The following EGF variants were observed in gnomAD, a reference collection of about 807,000 sequenced individuals.
EGF encodes the protein pro-epidermal growth factor.
In EGF, 95 loss-of-function variants were observed where a neutral mutation model predicts 143.8. That is an observed-to-expected ratio of 0.66 (90% CI 0.56 to 0.78). EGF has a LOEUF of 0.78. Ranked by LOEUF, EGF falls within the 30% of genes least tolerant of loss-of-function variation. The pLI, the probability that EGF is intolerant of heterozygous loss-of-function variation, is 0.00. For synonymous variants in EGF, 510 were observed against 510.5 expected (o/e 1.00, Z 0.01); for missense variants, 1,320 against 1,470.9 (o/e 0.90, Z 1.68).
chr4:109,931,590 C>T (rs1191668856), intron 1 of EGF, among the ~76,000 whole-genome samples: 2 of 152,150 alleles, frequency 1.3e-5, no homozygotes, highest in Non-Finnish European at 2.9e-5. Context: ...TGAATTTCCT[C>T]TTAATTAGAT....
intron 1 of EGF, among the ~76,000 whole-genome samples, chr4:109,920,152 C>T (rs1737515767): frequency 1.3e-5 from 2 of 151,576 alleles, no homozygotes; most frequent in Non-Finnish European, 2.9e-5. Flanking sequence ...AGATTTCTTA[C>T]CTGGAAAATA....
intron 19 of EGF, among the ~76,000 whole-genome samples, chr4:109,993,705 G>A (rs1751368705): frequency 6.6e-6 from 1 of 152,170 alleles, no homozygotes; most frequent in South Asian, 2.1e-4. Flanking sequence ...GCAGGTCGGT[G>A]AGAATGTCTG....
chr4:109,966,802 G>A (rs187851515), intron 10 of EGF, among the ~76,000 whole-genome samples: 1 of 152,188 alleles, frequency 6.6e-6, no homozygotes. Context: ...GTGATGTTAA[G>A]CATTTTTTCA....
At chr4:109,957,334 G>A (rs758089870) in intron 5 of EGF, among the ~76,000 whole-genome samples, 1 of 152,102 alleles carries the variant, frequency 6.6e-6, no homozygotes, top group Non-Finnish European at 1.5e-5. Context: ...AGCTTTAACT[G>A]GTATCATAAG....
At chr4:109,976,338 G>T in intron 13 of EGF, 103 bp downstream of exon 13, 1 of 1,020,820 alleles carries the variant, frequency 9.8e-7, no homozygotes, top group Middle Eastern at 3.0e-4. Flanking sequence ...AGCCGTATGG[G>T]TGAATATGGA....
intron 5 of EGF, among the ~76,000 whole-genome samples, chr4:109,950,172 G>C (rs992342203): frequency 1.3e-5 from 2 of 152,052 alleles, no homozygotes; most frequent in African/African-American, 2.4e-5. Flanking sequence ...ATGTCTACTT[G>C]GATTTCTTGC....
intron 13 of EGF, among the ~76,000 whole-genome samples, chr4:109,978,431 G>A (rs187863743): frequency 3.2e-4 from 49 of 152,278 alleles, no homozygotes; most frequent in African/African-American, 1.2e-3. Flanking sequence ...TCTAACATGT[G>A]CTTTAACATG....
At chr4:109,999,256 A>G (rs1425246672) in intron 20 of EGF, among the ~76,000 whole-genome samples, 1 of 151,740 alleles carries the variant, frequency 6.6e-6, no homozygotes, top group Non-Finnish European at 1.5e-5. Context: ...CAAGTGAGGA[A>G]CTCTGCCTTC....
At chr4:109,940,487 G>A (rs3822287) in intron 1 of EGF, among the ~76,000 whole-genome samples, 8,170 of 152,072 alleles carry the variant, frequency 0.054, 529 homozygotes, top group East Asian at 0.18. Flanking sequence ...TTTCACCGTC[G>A]TCTTCTAGGT....
At chr4:109,934,334 A>C (rs184454117) in intron 1 of EGF, among the ~76,000 whole-genome samples, 95 of 152,320 alleles carry the variant, frequency 6.2e-4, no homozygotes, top group African/African-American at 1.9e-3. Flanking sequence ...AAACAGAGAC[A>C]ATTTGACACA....
At chr4:109,941,177 G>A (rs1213557380) in intron 2 of EGF, 32 bp downstream of exon 2, 2 of 1,590,820 alleles carry the variant, frequency 1.3e-6, no homozygotes, top group African/African-American at 1.3e-5. Context: ...TGTTTGAGCT[G>A]TTTTTGTACA....
At chr4:109,988,931 C>T (rs1288316474) in intron 18 of EGF, among the ~76,000 whole-genome samples, 1 of 152,196 alleles carries the variant, frequency 6.6e-6, no homozygotes, top group Admixed American at 6.5e-5. Context: ...CTTCAAGCCC[C>T]TTTGGAGGCT....
intron 8 of EGF, among the ~76,000 whole-genome samples, chr4:109,962,314 T>C (rs1348885392): frequency 2.0e-5 from 3 of 152,236 alleles, no homozygotes; most frequent in Non-Finnish European, 4.4e-5. Flanking sequence ...ACTGCAGAGA[T>C]ACTGATACTT....
At chr4:109,933,995 C>A (rs1186088168) in intron 1 of EGF, among the ~76,000 whole-genome samples, 1 of 152,088 alleles carries the variant, frequency 6.6e-6, no homozygotes, top group Admixed American at 6.5e-5. Context: ...GAGGAATTGC[C>A]CCACTGTCTT....
Position 110,011,537 on chromosome 4 carries a change from A to C in EGF, c.*82A>C. On this transcript the variant is annotated 3_prime_UTR_variant, in exon 24 of 24. Coordinates refer to ENST00000265171, the MANE Select transcript of EGF (RefSeq NM_001963.6). ...TTTCTTTCAAAAGTAGAGCAAAACT[A>C]TAGGTTTTGGTTCCACAATCTCTAC... 1 of 1,603,470 alleles carries C rather than the reference A, an allele frequency of 6.2e-7. No individual in the cohort carries two copies. The highest frequency in any genetic ancestry group is 8.5e-7 in the Non-Finnish European group (1 of 1,173,796).
intron 22 of EGF, among the ~76,000 whole-genome samples, chr4:110,007,073 C>T (rs1232539554): frequency 6.6e-6 from 1 of 152,092 alleles, no homozygotes; most frequent in African/African-American, 2.4e-5. Flanking sequence ...GTTGATTTTG[C>T]AGTGTGTTGC....
chr4:110,002,154 T>C (rs558890849), intron 21 of EGF: 5 of 592,796 alleles, frequency 8.4e-6, no homozygotes, highest in Non-Finnish European at 1.1e-5. Flanking sequence ...GCCTGTCTTG[T>C]CTAGCTTGTT....
At chr4:109,974,655 A>G (rs183816376) in intron 11 of EGF, 48 bp from the exon 12 acceptor site, 4 of 1,402,782 alleles carry the variant, frequency 2.9e-6, no homozygotes, top group Non-Finnish European at 4.0e-6. Context: ...TTTTTGTTTG[A>G]AAAGTAAAGG....
intron 21 of EGF, chr4:110,002,156 T>C (rs1160569605): frequency 1.7e-6 from 1 of 582,656 alleles, no homozygotes; most frequent in African/African-American, 2.0e-5. Context: ...CTGTCTTGTC[T>C]AGCTTGTTTG....
Sources: gnomAD v4.1 joint callset for allele counts (sites outside exome capture counted in the v4.1 genomes callset) on GRCh38, gnomAD v4.1.1 for gene constraint, MANE v1.5 for transcripts, NCBI Gene and HGNC (gene_info 2026-07-23, HGNC 2026-07-21) for gene names.